IQCM: variants seen among roughly 807,000 people sequenced by gnomAD.
The protein encoded by IQCM is IQ motif containing M.
IQCM carries 45 observed loss-of-function variants against 57.6 expected under a neutral mutation model. That is an observed-to-expected ratio of 0.78 (90% CI 0.62 to 1.00). IQCM has a LOEUF of 1.00. IQCM is among the 50% of genes least tolerant of loss of function. The probability of loss-of-function intolerance (pLI) is 0.00; values close to 1 mark genes in which losing one functional copy is unlikely to be tolerated. For missense variants in IQCM, 468 were observed against 511.6 expected, an observed-to-expected ratio of 0.91 and a Z score of 0.82; for synonymous variants, 148 against 158.9, an observed-to-expected ratio of 0.93 and a Z score of 0.51.
chr4:149,439,977 GAC>G (rs919614286), intron 12 of IQCM, among the ~76,000 whole-genome samples: 3 of 146,074 alleles, frequency 2.1e-5, no homozygotes, highest in Non-Finnish European at 4.5e-5. Context: ...TTTTTTTTGA[GAC>G]AGAGTTTTGC....
intron 2 of IQCM, among the ~76,000 whole-genome samples, chr4:149,787,594 C>T (rs1019314650): frequency 3.3e-5 from 5 of 152,160 alleles, no homozygotes; most frequent in Non-Finnish European, 7.4e-5. Flanking sequence ...GGGGAAAGAA[C>T]ATCCTCCTCA....
At chr4:149,488,813 GTAA>G (rs1741792440) in intron 12 of IQCM, among the ~76,000 whole-genome samples, 1 of 152,080 alleles carries the variant, frequency 6.6e-6, no homozygotes. Flanking sequence ...AAGAGAAAAG[GTAA>G]TATTAGACAC....
chr4:149,773,456 A>G (rs903019536), intron 2 of IQCM, among the ~76,000 whole-genome samples: 2 of 152,196 alleles, frequency 1.3e-5, no homozygotes, highest in Non-Finnish European at 2.9e-5. Context: ...GTTTTTAAAT[A>G]CACTCTTCTT....
At position 149,686,427 on chromosome 4, in the gene IQCM, C is replaced by G. The variant is rs559210582; in HGVS notation, c.427G>C (p.Val143Leu). 5.1e-5 allele frequency: 63 copies of G among 1,228,174 alleles called. No individual in the cohort carries two copies. The highest frequency in any genetic ancestry group is 6.2e-5 in the Non-Finnish European group (61 of 984,854). 76.1% of individuals were successfully genotyped at this position (1,228,174 alleles called of 1,614,324 possible). ...TTTGCTGTCTCCATTTTTTTACTCA[C>G]TGGTTCAATAATAGTCATGATTTTA... ...LDKIMTIIEP[V>L]SKKMETAKQQ... The change falls in exon 6 of 14, where the codon GTG (valine) becomes CTG (leucine). Residue 143 changes from valine (V) to leucine (L), a missense_variant. Coordinates refer to ENST00000636793, the MANE Select transcript of IQCM (RefSeq NM_001363507.2).
chr4:149,783,094 C>G (rs1771760186), intron 2 of IQCM, among the ~76,000 whole-genome samples: 1 of 152,182 alleles, frequency 6.6e-6, no homozygotes, highest in African/African-American at 2.4e-5. Context: ...GAACTCTCCC[C>G]TGTACTCCAC....
chr4:149,551,253 T>C (rs1399513133), intron 11 of IQCM, among the ~76,000 whole-genome samples: 1 of 152,172 alleles, frequency 6.6e-6, no homozygotes, highest in African/African-American at 2.4e-5. Flanking sequence ...TAGAACCTTC[T>C]TCCCCCATAG....
intron 8 of IQCM, among the ~76,000 whole-genome samples, chr4:149,594,441 G>T (rs866572317): frequency 4.6e-5 from 7 of 152,074 alleles, no homozygotes; most frequent in African/African-American, 1.4e-4. Context: ...AAGGGCTTTT[G>T]TGTCTCTACC....
intron 12 of IQCM, among the ~76,000 whole-genome samples, chr4:149,545,201 C>T (rs1023053285): frequency 4.6e-5 from 7 of 152,082 alleles, no homozygotes; most frequent in Non-Finnish European, 7.4e-5. Context: ...TTTTAAAAAA[C>T]GAGCGGGACT....
At chr4:149,383,098 C>T (rs1018334813) in intron 13 of IQCM, among the ~76,000 whole-genome samples, 1 of 151,986 alleles carries the variant, frequency 6.6e-6, no homozygotes, top group African/African-American at 2.4e-5. Flanking sequence ...ATGAAGTCCC[C>T]CTATCTGTCC....
chr4:149,546,452 A>C (rs530622921), intron 12 of IQCM, among the ~76,000 whole-genome samples: 53 of 152,284 alleles, frequency 3.5e-4, no homozygotes, highest in South Asian at 2.7e-3. Context: ...TAAAAGTGTT[A>C]CTATTTCTCC....
chr4:149,544,057 T>G (rs1292262993), intron 12 of IQCM, among the ~76,000 whole-genome samples: 3 of 152,178 alleles, frequency 2.0e-5, no homozygotes, highest in Admixed American at 6.6e-5. Context: ...CATCTTTACA[T>G]TCTGATTTAC....
At chr4:149,471,995 C>A (rs182450329) in intron 12 of IQCM, among the ~76,000 whole-genome samples, 32,976 of 152,052 alleles carry the variant, frequency 0.22, 4,483 homozygotes, top group Non-Finnish European at 0.29. Context: ...CTATTTATGA[C>A]AAACCCACAG....
chr4:149,645,697 T>G (rs1758571511), intron 7 of IQCM, among the ~76,000 whole-genome samples: 1 of 152,130 alleles, frequency 6.6e-6, no homozygotes, highest in African/African-American at 2.4e-5. Flanking sequence ...AATGTGCATA[T>G]GGGGTGTAGA....
At chr4:149,686,302 A>G in intron 6 of IQCM, 76 bp downstream of exon 6, 1 of 622,588 alleles carries the variant, frequency 1.6e-6, no homozygotes, top group Non-Finnish European at 2.3e-6. Flanking sequence ...TTGAGAGACC[A>G]TGACAATTGG....
chr4:149,681,207 T>A (rs376575814), intron 7 of IQCM, among the ~76,000 whole-genome samples: 12 of 151,304 alleles, frequency 7.9e-5, no homozygotes, highest in African/African-American at 2.2e-4. Context: ...AATATTTGCC[T>A]ACATTTACTT....
chr4:149,573,009 A>G (rs1302080798), intron 9 of IQCM, among the ~76,000 whole-genome samples: 1 of 151,896 alleles, frequency 6.6e-6, no homozygotes, highest in African/African-American at 2.4e-5. Flanking sequence ...AGCTATATGC[A>G]TGAAGACACC....
chr4:149,480,604 T>C (rs1384680687), intron 12 of IQCM, among the ~76,000 whole-genome samples: 6 of 152,202 alleles, frequency 3.9e-5, no homozygotes, highest in Non-Finnish European at 8.8e-5. Context: ...TTCTTTCTTA[T>C]AGTTGAATAC....
intron 7 of IQCM, among the ~76,000 whole-genome samples, chr4:149,622,818 C>T (rs1244645204): frequency 6.6e-6 from 1 of 152,142 alleles, no homozygotes. Context: ...TTATTCCTGA[C>T]CTACCCACTC....
At chr4:149,586,983 A>G (rs1166445592) in intron 9 of IQCM, among the ~76,000 whole-genome samples, 1 of 151,724 alleles carries the variant, frequency 6.6e-6, no homozygotes, top group East Asian at 1.9e-4. Flanking sequence ...CTACACATGC[A>G]CAATTCAGGA....
Sources: allele counts gnomAD v4.1 joint callset (sites outside exome capture counted in the v4.1 genomes callset), GRCh38; gene constraint gnomAD v4.1.1; transcripts MANE v1.5; gene names NCBI Gene and HGNC (gene_info 2026-07-23, HGNC 2026-07-21).